ZNF385D: variants seen among roughly 807,000 people sequenced by gnomAD.
ZNF385D encodes zinc finger protein 659.
ZNF385D carries 15 observed loss-of-function variants against 35.8 expected under a neutral mutation model. The ratio of observed to expected loss-of-function variants is 0.42; its 90% CI spans 0.28 to 0.64. ZNF385D has a LOEUF of 0.64. Ranked by LOEUF, ZNF385D falls within the 30% of genes least tolerant of loss-of-function variation. ZNF385D has a pLI of 0.23. For synonymous variants in ZNF385D, 212 were observed against 186.8 expected, an observed-to-expected ratio of 1.13 and a Z score of -1.10; for missense variants, 474 against 494.6, an observed-to-expected ratio of 0.96 and a Z score of 0.39.
At chr3:21,750,847 T>A in intron 1 of ZNF385D, 48 bp downstream of exon 1, 1 of 1,611,310 alleles carries the variant, frequency 6.2e-7, no homozygotes, top group Non-Finnish European at 8.5e-7. Flanking sequence ...TCTGCACGGA[T>A]GAAGAGCCGG....
intron 3 of ZNF385D, among the ~76,000 whole-genome samples, chr3:22,030,281 A>ATCC (rs923191103): frequency 1.8e-4 from 19 of 103,966 alleles, no homozygotes; most frequent in East Asian, 5.9e-4. Flanking sequence ...ATATATATAT[A>ATCC]TATATATATA....
chr3:21,732,475 T>C (rs544832028), intron 1 of ZNF385D, among the ~76,000 whole-genome samples: 1 of 152,342 alleles, frequency 6.6e-6, no homozygotes, highest in Non-Finnish European at 1.5e-5. Flanking sequence ...AACTGTCTTC[T>C]AACGTGCCTG....
At chr3:21,707,665 T>A (rs2067956208) in intron 1 of ZNF385D, among the ~76,000 whole-genome samples, 1 of 152,176 alleles carries the variant, frequency 6.6e-6, no homozygotes, top group African/African-American at 2.4e-5. Flanking sequence ...GATGGCAGCA[T>A]TTGGAAAGGG....
chr3:22,362,285 A>ATT (rs377512433), intron 2 of ZNF385D, among the ~76,000 whole-genome samples: 3 of 151,364 alleles, frequency 2.0e-5, no homozygotes, highest in African/African-American at 7.3e-5. Context: ...ACTTGCATTG[A>ATT]TTTTTTTTTA....
intron 3 of ZNF385D, among the ~76,000 whole-genome samples, chr3:21,765,539 G>C (rs1279716063): frequency 6.6e-6 from 1 of 152,010 alleles, no homozygotes; most frequent in African/African-American, 2.4e-5. Flanking sequence ...CATAAACTAA[G>C]AGATGGAGAA....
chr3:22,318,253 G>A (rs900549219), intron 2 of ZNF385D, among the ~76,000 whole-genome samples: 24 of 151,890 alleles, frequency 1.6e-4, no homozygotes, highest in Non-Finnish European at 1.3e-4. Flanking sequence ...GTGTCCAAGT[G>A]GAAAGAAAGC....
At chr3:21,901,529 G>A (rs936197051) in intron 3 of ZNF385D, among the ~76,000 whole-genome samples, 1 of 152,180 alleles carries the variant, frequency 6.6e-6, no homozygotes, top group African/African-American at 2.4e-5. Context: ...TGCATTGCAT[G>A]CATTGTGGAT....
intron 3 of ZNF385D, among the ~76,000 whole-genome samples, chr3:21,819,784 T>TAA (rs1559655884): frequency 8.1e-6 from 1 of 122,826 alleles, no homozygotes; most frequent in African/African-American, 2.9e-5. Flanking sequence ...TACACATAAA[T>TAA]ATAATATACA....
intron 3 of ZNF385D, among the ~76,000 whole-genome samples, chr3:21,992,587 T>C (rs922998809): frequency 1.3e-5 from 2 of 152,296 alleles, no homozygotes; most frequent in Non-Finnish European, 2.9e-5. Flanking sequence ...TCTCAGGCTA[T>C]GTTAATAGTT....
At chr3:22,149,091 G>A (rs1467343160) in intron 3 of ZNF385D, among the ~76,000 whole-genome samples, 1 of 152,138 alleles carries the variant, frequency 6.6e-6, no homozygotes, top group Non-Finnish European at 1.5e-5. Flanking sequence ...TCAACTAAGA[G>A]CTGGTTAGAA....
At chr3:22,070,313 T>A (rs915791048) in intron 3 of ZNF385D, among the ~76,000 whole-genome samples, 3 of 152,150 alleles carry the variant, frequency 2.0e-5, no homozygotes, top group Admixed American at 6.5e-5. Context: ...TCCTTTTATA[T>A]ATACATGAAA....
At chr3:21,938,317 G>A (rs184243629) in intron 3 of ZNF385D, among the ~76,000 whole-genome samples, 1 of 152,138 alleles carries the variant, frequency 6.6e-6, no homozygotes, top group African/African-American at 2.4e-5. Flanking sequence ...AGTGACTCAG[G>A]GCAGTGTGAC....
chr3:21,963,344 G>T (rs1347760351), intron 3 of ZNF385D, among the ~76,000 whole-genome samples: 3 of 152,164 alleles, frequency 2.0e-5, no homozygotes. Context: ...ACAGTACTTA[G>T]TCTACTTTTT....
At chr3:22,310,985 T>G (rs1703509619) in intron 2 of ZNF385D, among the ~76,000 whole-genome samples, 1 of 151,862 alleles carries the variant, frequency 6.6e-6, no homozygotes, top group African/African-American at 2.4e-5. Flanking sequence ...TTTATCAATC[T>G]TTTCCTTTGT....
intron 3 of ZNF385D, among the ~76,000 whole-genome samples, chr3:22,155,082 A>G (rs531446820): frequency 6.6e-6 from 1 of 152,260 alleles, no homozygotes; most frequent in South Asian, 2.1e-4. Context: ...TGACAATATT[A>G]TTATTGACAG....
chr3:22,182,740 CTG>C (rs1559434700), intron 2 of ZNF385D, among the ~76,000 whole-genome samples: 1 of 151,972 alleles, frequency 6.6e-6, no homozygotes, highest in African/African-American at 2.4e-5. Flanking sequence ...TAAGTCTAGA[CTG>C]TTAAAAGAAT....
At chr3:21,965,273 T>C (rs1702851641) in intron 3 of ZNF385D, among the ~76,000 whole-genome samples, 1 of 152,164 alleles carries the variant, frequency 6.6e-6, no homozygotes, top group Admixed American at 6.5e-5. Context: ...AAAAATTAAA[T>C]AATATGCATC....
chr3:21,738,699 A>G (rs2125514999), intron 1 of ZNF385D, among the ~76,000 whole-genome samples: 1 of 152,142 alleles, frequency 6.6e-6, no homozygotes, highest in East Asian at 1.9e-4. Flanking sequence ...TGAAATGGAG[A>G]CTTTTGGCCC....
intron 2 of ZNF385D, among the ~76,000 whole-genome samples, chr3:22,302,532 A>C (rs531890030): frequency 1.1e-4 from 17 of 152,142 alleles, no homozygotes; most frequent in African/African-American, 4.1e-4. Flanking sequence ...TAAACAGTAC[A>C]GTATTATAAC....
Sources: gnomAD v4.1 joint callset for allele counts (sites outside exome capture counted in the v4.1 genomes callset) on GRCh38, gnomAD v4.1.1 for gene constraint, MANE v1.5 for transcripts, NCBI Gene and HGNC (gene_info 2026-07-23, HGNC 2026-07-21) for gene names.